The following OCM variants were observed in gnomAD, a reference collection of about 807,000 sequenced individuals.
OCM encodes oncomodulin-1.
A neutral mutation model predicts 14.1 loss-of-function variants in OCM; 18 were observed. That is an observed-to-expected ratio of 1.28 (90% CI 0.88 to 1.89). The LOEUF is 1.89. Ranked by LOEUF, OCM falls within the 40% of genes most tolerant of loss-of-function variation. The probability of loss-of-function intolerance (pLI) is 0.00; values close to 1 mark genes in which losing one functional copy is unlikely to be tolerated. For synonymous variants in OCM, 48 were observed against 51.0 expected, an observed-to-expected ratio of 0.94 and a Z score of 0.25; for missense variants, 140 against 137.6, an observed-to-expected ratio of 1.02 and a Z score of -0.09.
At chr7:5,873,152 A>G in the OCM span, among the ~76,000 whole-genome samples, 1 of 152,278 alleles carries the variant, frequency 6.6e-6, no homozygotes, top group South Asian at 2.1e-4. Context: ...AGGCAGGTGG[A>G]TTACTTGAGG....
At chr7:5,882,012 G>A (rs558988488) in intron 1 of OCM, among the ~76,000 whole-genome samples, 43 of 143,752 alleles carry the variant, frequency 3.0e-4, no homozygotes, top group Non-Finnish European at 5.5e-4. Context: ...AGTTGAACCC[G>A]GGAGGCAGAG....
At chr7:5,878,610 T>G (rs568992966), upstream of OCM, among the ~76,000 whole-genome samples, 148 of 151,054 alleles carry the variant, frequency 9.8e-4, no homozygotes, top group African/African-American at 3.1e-3. Flanking sequence ...AGCCGGGTGT[T>G]GTGGCGGGCG....
chr7:5,863,859 G>A, the OCM span, among the ~76,000 whole-genome samples: 3,005 of 152,160 alleles, frequency 0.02, 108 homozygotes, highest in African/African-American at 0.069. Context: ...GCTAAGGCAG[G>A]AAGGCAGAGT....
chr7:5,879,426 A>C (rs1781162932), upstream of OCM, among the ~76,000 whole-genome samples: 1 of 152,120 alleles, frequency 6.6e-6, no homozygotes, highest in Admixed American at 6.6e-5. Flanking sequence ...CTGTGTGTGC[A>C]CTTGGTGACA....
At chr7:5,865,381 C>T in the OCM span, among the ~76,000 whole-genome samples, 1 of 152,056 alleles carries the variant, frequency 6.6e-6, no homozygotes, top group Non-Finnish European at 1.5e-5. Context: ...CATAATTGCT[C>T]CCCAAATGAG....
At chr7:5,865,421 C>G in the OCM span, among the ~76,000 whole-genome samples, 11 of 152,242 alleles carry the variant, frequency 7.2e-5, no homozygotes, top group Admixed American at 6.5e-4. Flanking sequence ...CATCAAAACC[C>G]TAGAAAGTGG....
chr7:5,879,180 A>G (rs1429767411), upstream of OCM, among the ~76,000 whole-genome samples: 1 of 152,156 alleles, frequency 6.6e-6, no homozygotes, highest in Non-Finnish European at 1.5e-5. Flanking sequence ...CAGCCGGGGC[A>G]ACAGAGCAAG....
chr7:5,881,089 C>T (rs13310109), intron 1 of OCM, 139 bp downstream of exon 1: 41 of 762,208 alleles, frequency 5.4e-5, no homozygotes, highest in African/African-American at 2.9e-4. Flanking sequence ...GAGGCCGAGG[C>T]GGGTGGATCA....
rs1207449913 is a variant in OCM at position 5,886,082 on chromosome 7, A to T, written c.323A>T (p.His108Leu). 14 of 1,613,824 alleles carry T rather than the reference A, an allele frequency of 8.7e-6. No homozygotes were observed. Among genetic ancestry groups the T allele is most frequent in the Non-Finnish European group, 1.2e-5 (14 of 1,179,756 alleles). The part of the protein sequence containing the change: ...IGAEEFQEMV[H>L]S ...GTTCTAGAATTCCAGGAAATGGTGC[A>T]TTCTTAAAAGCCCCAGTCTCTGGAG... is the stretch of plus-strand genomic sequence containing the variant. Residue 108 changes from histidine to leucine, a missense_variant, in exon 4 of 4, where the codon CAT becomes CTT. Coordinates refer to ENST00000242104, the MANE Select transcript of OCM (RefSeq NM_001097622.2).
At chr7:5,861,440 C>G in the OCM span, among the ~76,000 whole-genome samples, 1 of 151,954 alleles carries the variant, frequency 6.6e-6, no homozygotes, top group East Asian at 1.9e-4. Context: ...AAAAAGAATC[C>G]CAGTTCTTGG....
the OCM span, among the ~76,000 whole-genome samples, chr7:5,860,756 G>GTA: frequency 4.3e-5 from 6 of 138,170 alleles, 1 homozygote; most frequent in African/African-American, 2.7e-5. Flanking sequence ...ACATATATAC[G>GTA]TATATATATA....
At chr7:5,881,598 C>G (rs1047341551) in intron 1 of OCM, among the ~76,000 whole-genome samples, 5 of 151,068 alleles carry the variant, frequency 3.3e-5, no homozygotes, top group Non-Finnish European at 7.4e-5. Context: ...ACACTGCACT[C>G]CAGCTTGGAC....
the OCM span, among the ~76,000 whole-genome samples, chr7:5,874,209 G>C: frequency 9.0e-6 from 1 of 111,478 alleles, no homozygotes; most frequent in Admixed American, 1.3e-4. Flanking sequence ...GGGTGACAGA[G>C]CGAGACTCTG....
the OCM span, among the ~76,000 whole-genome samples, chr7:5,869,662 C>T: frequency 4.6e-5 from 7 of 152,082 alleles, no homozygotes; most frequent in Non-Finnish European, 8.8e-5. Flanking sequence ...TGATCTCATT[C>T]CCACCTGCAC....
chr7:5,869,048 G>C, the OCM span, among the ~76,000 whole-genome samples: 1 of 152,076 alleles, frequency 6.6e-6, no homozygotes, highest in Non-Finnish European at 1.5e-5. Flanking sequence ...GGGCAACAGA[G>C]TGAGACTCTG....
At chr7:5,861,737 T>A in the OCM span, among the ~76,000 whole-genome samples, 4 of 152,074 alleles carry the variant, frequency 2.6e-5, no homozygotes. Context: ...ATTTATTTAT[T>A]TATTTATAAT....
chr7:5,867,556 C>T, the OCM span, among the ~76,000 whole-genome samples: 1 of 152,116 alleles, frequency 6.6e-6, no homozygotes, highest in African/African-American at 2.4e-5. Flanking sequence ...AAATTTTCTG[C>T]CATTATTTCT....
the OCM span, among the ~76,000 whole-genome samples, chr7:5,869,434 C>T: frequency 6.6e-6 from 1 of 151,956 alleles, no homozygotes; most frequent in Non-Finnish European, 1.5e-5. Flanking sequence ...CCTGTCTCTA[C>T]TGAAAATACA....
chr7:5,865,620 A>G, the OCM span, among the ~76,000 whole-genome samples: 426 of 152,332 alleles, frequency 2.8e-3, 13 homozygotes, highest in East Asian at 0.06. Context: ...TACAGTTGCA[A>G]TAATGCAAAA....
Sources: gnomAD v4.1 joint callset for allele counts (sites outside exome capture counted in the v4.1 genomes callset) on GRCh38, gnomAD v4.1.1 for gene constraint, MANE v1.5 for transcripts, NCBI Gene and HGNC (gene_info 2026-07-23, HGNC 2026-07-21) for gene names.